Variants in PDE4D observed in about 807,000 individuals in gnomAD.
PDE4D encodes 3',5'-cyclic-AMP phosphodiesterase 4D.
In PDE4D, 24 loss-of-function variants were observed where a neutral mutation model predicts 87.4. The observed-to-expected ratio is 0.27, with a 90% CI of 0.20 to 0.39. The LOEUF is 0.39. PDE4D is among the 10% of genes least tolerant of loss of function. The pLI is 1.00. For synonymous variants in PDE4D, 384 were observed against 383.2 expected (o/e 1.00, Z -0.02); for missense variants, 714 against 1,041.0 (o/e 0.69, Z 4.32).
intron 1 of PDE4D, among the ~76,000 whole-genome samples, chr5:60,417,472 A>G (rs1742707538): frequency 6.6e-6 from 1 of 152,222 alleles, no homozygotes; most frequent in South Asian, 2.1e-4. Flanking sequence ...ACATTCTCCA[A>G]AGAAGCTAAC....
intron 1 of PDE4D, among the ~76,000 whole-genome samples, chr5:60,330,562 G>GC (rs983623763): frequency 6.6e-6 from 1 of 152,126 alleles, no homozygotes; most frequent in Admixed American, 6.5e-5. Flanking sequence ...AGCATGGGTG[G>GC]CCCACACACA....
At chr5:59,015,633 G>A (rs1753802277) in intron 6 of PDE4D, among the ~76,000 whole-genome samples, 1 of 152,108 alleles carries the variant, frequency 6.6e-6, no homozygotes, top group African/African-American at 2.4e-5. Flanking sequence ...AACAGGTGCT[G>A]GAGAGGATGT....
At chr5:59,886,216 G>C (rs1440745964) in intron 1 of PDE4D, among the ~76,000 whole-genome samples, 1 of 152,174 alleles carries the variant, frequency 6.6e-6, no homozygotes, top group African/African-American at 2.4e-5. Flanking sequence ...ATAACTGCTA[G>C]AGTACAAATA....
chr5:59,672,788 A>T (rs1481300488), intron 1 of PDE4D, among the ~76,000 whole-genome samples: 2 of 152,184 alleles, frequency 1.3e-5, no homozygotes, highest in Non-Finnish European at 2.9e-5. Context: ...TATAAAAAAG[A>T]TAAAGGGAAG....
intron 1 of PDE4D, among the ~76,000 whole-genome samples, chr5:59,421,821 C>A (rs1794525909): frequency 6.6e-6 from 1 of 151,852 alleles, no homozygotes; most frequent in Admixed American, 6.6e-5. Flanking sequence ...CAAAAGGGTA[C>A]ACATATATTT....
chr5:59,180,647 GA>G lies in PDE4D; in HGVS notation c.759-4del. The G allele has an allele frequency of 6.2e-7, 1 of 1,612,582 alleles. No homozygotes were observed. The highest frequency in any genetic ancestry group is 8.5e-7 in the Non-Finnish European group (1 of 1,179,142). Reference sequence around the variant, plus strand: ...GTTGGTTGCACATGGGTGATCTTCTGACAAAGACAGAAAAACACAAAGCAGT... The same window carrying G: ...GTTGGTTGCACATGGGTGATCTTCTGCAAAGACAGAAAAACACAAAGCAGT... On this transcript the variant is annotated splice_polypyrimidine_tract_variant and splice_region_variant and intron_variant, in intron 4 of 14. Transcript: ENST00000340635.
intron 1 of PDE4D, chr5:59,586,238 A>C: frequency 1.1e-6 from 1 of 935,676 alleles, no homozygotes; most frequent in Non-Finnish European, 1.7e-6. Context: ...TGATACCAAT[A>C]CTCTAGTTCA....
At chr5:59,516,955 G>T (rs1402190834) in intron 1 of PDE4D, among the ~76,000 whole-genome samples, 1 of 126,376 alleles carries the variant, frequency 7.9e-6, no homozygotes, top group Admixed American at 7.5e-5. Context: ...ACACACATAG[G>T]CACACACACA....
At chr5:60,233,567 T>C (rs1051198406) in intron 1 of PDE4D, among the ~76,000 whole-genome samples, 7 of 151,782 alleles carry the variant, frequency 4.6e-5, no homozygotes, top group African/African-American at 1.4e-4. Context: ...ATTTCCTTTT[T>C]TTTTTTACAA....
intron 1 of PDE4D, among the ~76,000 whole-genome samples, chr5:59,712,329 TTCTC>T (rs1382082698): frequency 4.0e-5 from 6 of 148,542 alleles, no homozygotes; most frequent in Non-Finnish European, 7.4e-5. Context: ...GTCTGTCTCT[TTCTC>T]TCCCTCTGCA....
chr5:59,354,657 C>T (rs1167465211), intron 1 of PDE4D, among the ~76,000 whole-genome samples: 1 of 152,192 alleles, frequency 6.6e-6, no homozygotes, highest in Non-Finnish European at 1.5e-5. Context: ...CATGAGGGAC[C>T]TGCAGAAATG....
chr5:60,272,594 A>G (rs886510594), intron 1 of PDE4D, among the ~76,000 whole-genome samples: 1 of 152,200 alleles, frequency 6.6e-6, no homozygotes, highest in Admixed American at 6.5e-5. Context: ...CTGATTAGGT[A>G]TAGACTGGGC....
chr5:59,888,724 T>C (rs1296265818), intron 1 of PDE4D, among the ~76,000 whole-genome samples: 1 of 152,160 alleles, frequency 6.6e-6, no homozygotes, highest in Non-Finnish European at 1.5e-5. Flanking sequence ...ATTATTTTGG[T>C]AATGTGAAAT....
At chr5:59,114,166 G>GA (rs1390984874) in intron 5 of PDE4D, among the ~76,000 whole-genome samples, 1 of 151,226 alleles carries the variant, frequency 6.6e-6, no homozygotes, top group African/African-American at 2.4e-5. Flanking sequence ...CTTTGATGCA[G>GA]AAAAATTTTT....
chr5:59,585,779 T>C (rs1377103880), intron 1 of PDE4D, among the ~76,000 whole-genome samples: 5 of 152,212 alleles, frequency 3.3e-5, no homozygotes, highest in African/African-American at 1.2e-4. Flanking sequence ...CTGATTCATA[T>C]GTTAGAATTC....
chr5:60,056,255 T>A (rs75452475), intron 2 of PDE4D, among the ~76,000 whole-genome samples: 4,367 of 152,016 alleles, frequency 0.029, 204 homozygotes, highest in African/African-American at 0.1. Context: ...ATACAGAAAA[T>A]CGCTGCCTAT....
chr5:60,238,753 T>A (rs1454085335), intron 1 of PDE4D, among the ~76,000 whole-genome samples: 1 of 152,056 alleles, frequency 6.6e-6, no homozygotes, highest in Admixed American at 6.6e-5. Flanking sequence ...TATTAATTTT[T>A]GTTGGTTGTA....
chr5:59,510,353 TA>T (rs1810076274), intron 1 of PDE4D, among the ~76,000 whole-genome samples: 1 of 151,120 alleles, frequency 6.6e-6, no homozygotes, highest in Non-Finnish European at 1.5e-5. Flanking sequence ...ATAATAATTA[TA>T]AAAACAAATA....
At chr5:59,107,930 A>T (rs975778323) in intron 5 of PDE4D, among the ~76,000 whole-genome samples, 1 of 152,164 alleles carries the variant, frequency 6.6e-6, no homozygotes, top group Admixed American at 6.5e-5. Context: ...GGAGAGAGAG[A>T]AAAGCCATGA....
Sources: allele counts gnomAD v4.1 joint callset (sites outside exome capture counted in the v4.1 genomes callset), GRCh38; gene constraint gnomAD v4.1.1; transcripts MANE v1.5; gene names NCBI Gene and HGNC (gene_info 2026-07-23, HGNC 2026-07-21).